Variants in ALB observed in about 807,000 individuals in gnomAD.
ALB encodes serum albumin.
ALB carries 37 observed loss-of-function variants against 74.5 expected under a neutral mutation model. The ratio of observed to expected loss-of-function variants is 0.50; its 90% confidence interval spans 0.38 to 0.65. The LOEUF is 0.65. Among genes scored for constraint, ALB ranks in the 30% least tolerant of loss-of-function variants. The pLI, the probability that ALB is intolerant of heterozygous loss-of-function variation, is 0.00. For synonymous variants in ALB, 249 were observed against 251.6 expected (o/e 0.99, Z 0.10); for missense variants, 685 against 718.7 (o/e 0.95, Z 0.54).
chr4:73,419,788 A>G (rs146943492), intron 13 of ALB, 149 bp downstream of exon 13: 9 of 1,019,650 alleles, frequency 8.8e-6, no homozygotes, highest in Non-Finnish European at 1.2e-5. Flanking sequence ...CAAAATGAAT[A>G]AAACAGCACT....
rs369575636 is a variant in ALB at position 73,405,054 on chromosome 4, A to G, written c.80-62A>G. 1.5e-5 allele frequency: 22 copies of G among 1,463,208 alleles called. No homozygotes were observed. The African/African-American group carries it at 3.1e-4, about 20-fold the overall frequency. 90.6% of individuals were successfully genotyped at this position (1,463,208 alleles called of 1,614,324 possible). Reference sequence around the variant, plus strand: ...TCAAATGGAAAGAAATATAAAAAGTAACATTATTACTTCTTGTTTTCTTCA... The same window carrying G: ...TCAAATGGAAAGAAATATAAAAAGTGACATTATTACTTCTTGTTTTCTTCA... On this transcript the variant is annotated intron_variant, in intron 1 of 14. Transcript: ENST00000295897.
At chr4:73,408,117 A>G (rs1034068876) in intron 3 of ALB, among the ~76,000 whole-genome samples, 2 of 152,206 alleles carry the variant, frequency 1.3e-5, no homozygotes, top group African/African-American at 4.8e-5. Context: ...ATATCTTAAT[A>G]GTCACTTAAT....
chr4:73,413,507 T>C lies in ALB; in HGVS notation c.931T>C (p.Ser311Pro). 6.2e-7 allele frequency: 1 copy of C among 1,614,140 alleles called. No individual in the cohort carries two copies. The change falls in exon 8 of 15, where the codon TCC (serine) becomes CCC (proline). Residue 311 changes from serine to proline, a missense_variant. Transcript: ENST00000295897. ...CTGTGAAAAACCTCTGTTGGAAAAATCCCACTGCATTGCCGAAGTGGAAAA... is the reference window on the plus strand; with the variant it reads ...CTGTGAAAAACCTCTGTTGGAAAAACCCCACTGCATTGCCGAAGTGGAAAA... ...ECCEKPLLEK[S>P]HCIAEVENDE...
chr4:73,405,884 G>A lies in ALB; in HGVS notation c.137+711G>A, dbSNP rs564239747. ...ATTACAGGAGTGAGCCACCGCGCCC[G>A]GCCTATTTAAATGTTTTTTAATCTA... On this transcript the variant is annotated intron_variant, in intron 2 of 14. Coordinates refer to ENST00000295897, the MANE Select transcript of ALB (RefSeq NM_000477.7). Among the ~76,000 whole-genome samples, 519 of 151,878 alleles carry A rather than the reference G, an allele frequency of 3.4e-3. 4 individuals are homozygous for A. The highest frequency in any genetic ancestry group is 0.012 in the African/African-American group (484 of 41,450).
At chr4:73,412,830 T>C (rs1446927581) in intron 7 of ALB, among the ~76,000 whole-genome samples, 1 of 152,240 alleles carries the variant, frequency 6.6e-6, no homozygotes, top group African/African-American at 2.4e-5. Context: ...TTTTCTTCTC[T>C]ATATTCCTTC....
chr4:73,419,672 G>A, intron 13 of ALB, 33 bp downstream of exon 13: 1 of 1,612,494 alleles, frequency 6.2e-7, no homozygotes, highest in African/African-American at 1.3e-5. Context: ...AATATGTCCA[G>A]TATTCATTTT....
chr4:73,407,723 TA>T (rs1179385695), intron 3 of ALB, among the ~76,000 whole-genome samples: 2 of 152,170 alleles, frequency 1.3e-5, no homozygotes, highest in Non-Finnish European at 2.9e-5. Flanking sequence ...CTACATACAA[TA>T]AAAAAGCAGA....
intron 12 of ALB, 62 bp from the exon 13 acceptor site, chr4:73,419,445 T>C: frequency 6.5e-7 from 1 of 1,532,376 alleles, no homozygotes; most frequent in Non-Finnish European, 8.8e-7. Flanking sequence ...ACTCTCTCCA[T>C]TTTTCTATAC....
At chr4:73,416,861 G>A (rs528318067) in intron 10 of ALB, among the ~76,000 whole-genome samples, 1 of 152,254 alleles carries the variant, frequency 6.6e-6, no homozygotes, top group South Asian at 2.1e-4. Flanking sequence ...GAGACAGAAT[G>A]GCTTGCTGGA....
chr4:73,413,282 A>T lies in ALB; in HGVS notation c.844-138A>T, dbSNP rs180747504. On this transcript the variant is annotated intron_variant, in intron 7 of 14. Transcript: ENST00000295897. ...ATCTACATCTCCAGGTTTAGGAGCA[A>T]ACAGAGTATGTTCATAGAAGGAATA... 25 of 828,466 alleles carry T rather than the reference A, an allele frequency of 3.0e-5. No homozygotes were observed. The East Asian group carries it at 6.4e-4, about 21-fold the overall frequency. 51.3% of individuals were successfully genotyped at this position (828,466 alleles called of 1,614,324 possible). A position where few individuals can be genotyped will look rare whatever the true frequency, so the allele number is the denominator to read the frequency against.
intron 6 of ALB, 110 bp downstream of exon 6, chr4:73,410,519 C>A: frequency 2.6e-6 from 2 of 783,864 alleles, no homozygotes; most frequent in South Asian, 1.5e-5. Flanking sequence ...AAATACATTT[C>A]TTTGGTTGTC....
chr4:73,416,018 C>G (rs1267447510), intron 9 of ALB, among the ~76,000 whole-genome samples: 1 of 152,110 alleles, frequency 6.6e-6, no homozygotes, highest in Non-Finnish European at 1.5e-5. Context: ...AGTTACATGA[C>G]TTGGCTCAAA....
chr4:73,415,378 G>A (rs1444673233), intron 9 of ALB: 1 of 540,918 alleles, frequency 1.8e-6, no homozygotes, highest in Non-Finnish European at 3.2e-6. Context: ...GATCTGAATA[G>A]AGCAATCTCT....
At chr4:73,419,190 T>C (rs1465662148) in intron 12 of ALB, 2 of 240,556 alleles carry the variant, frequency 8.3e-6, no homozygotes, top group Non-Finnish European at 1.6e-5. Flanking sequence ...TAATATATAA[T>C]TGCAATGACA....
At chr4:73,419,235 G>A (rs949570301) in intron 12 of ALB, 2 of 336,186 alleles carry the variant, frequency 5.9e-6, no homozygotes, top group Non-Finnish European at 1.1e-5. Flanking sequence ...AAAGAAATTT[G>A]TTGACACTAC....
chr4:73,411,462 C>A (rs1718874549), intron 6 of ALB, among the ~76,000 whole-genome samples: 1 of 152,132 alleles, frequency 6.6e-6, no homozygotes, highest in Admixed American at 6.5e-5. Flanking sequence ...GTTATGATTT[C>A]TTTTCTAAGA....
chr4:73,420,088 C>T lies in ALB; in HGVS notation c.1786-166C>T, dbSNP rs55927444. ...CTTTTTTTTATTCATTTGGGGACAA[C>T]TATGTCCGTGAGCTTCCGTCCAGAG... On this transcript the variant is annotated intron_variant, in intron 13 of 14. Coordinates refer to ENST00000295897, the MANE Select transcript of ALB (RefSeq NM_000477.7). Among the ~76,000 whole-genome samples, 380 of 152,230 alleles carry T rather than the reference C, an allele frequency of 2.5e-3. 2 individuals are homozygous for T. The highest frequency in any genetic ancestry group is 6.8e-3 in the Middle Eastern group (2 of 294).
intron 9 of ALB, among the ~76,000 whole-genome samples, chr4:73,415,970 T>C (rs1055898651): frequency 1.6e-4 from 25 of 152,204 alleles, no homozygotes; most frequent in African/African-American, 6.0e-4. Flanking sequence ...GATTCTGAAA[T>C]GTGGAGATGG....
chr4:73,421,472 A>G lies in ALB; in HGVS notation c.*404A>G, dbSNP rs924253594. ...ACATTATGATAATTCTGAATAAAAG[A>G]ACAAAAACCATGGTATAGGTAAGGA... On this transcript the variant is annotated 3_prime_UTR_variant, in exon 15 of 15. Coordinates refer to ENST00000295897, the MANE Select transcript of ALB (RefSeq NM_000477.7). 3.5e-5 allele frequency: 6 copies of G among 171,208 alleles called. No individual in the cohort carries two copies. The highest frequency in any genetic ancestry group is 7.4e-5 in the Non-Finnish European group (6 of 80,932). 10.6% of individuals were successfully genotyped at this position (171,208 alleles called of 1,614,324 possible).
Sources: gnomAD v4.1 joint callset for allele counts (sites outside exome capture counted in the v4.1 genomes callset) on GRCh38, gnomAD v4.1.1 for gene constraint, MANE v1.5 for transcripts, NCBI Gene and HGNC (gene_info 2026-07-23, HGNC 2026-07-21) for gene names.